The following PRPSAP2 variants were observed in gnomAD, a reference collection of about 807,000 sequenced individuals.
PRPSAP2 encodes phosphoribosyl pyrophosphate synthetase associated protein 2.
Under a neutral mutation model 40.6 loss-of-function variants are expected in PRPSAP2, and 24 were observed. That is an observed-to-expected ratio of 0.59 (90% CI 0.43 to 0.83). The LOEUF is 0.83. Ranked by LOEUF, PRPSAP2 falls within the 40% of genes least tolerant of loss-of-function variation. The pLI, the probability that PRPSAP2 is intolerant of heterozygous loss-of-function variation, is 0.00. For missense variants in PRPSAP2, 292 were observed against 465.6 expected, an observed-to-expected ratio of 0.63 and a Z score of 3.43; for synonymous variants, 149 against 164.7, an observed-to-expected ratio of 0.90 and a Z score of 0.73.
intron 8 of PRPSAP2, among the ~76,000 whole-genome samples, chr17:18,903,571 C>T (rs1468196539): frequency 6.6e-6 from 1 of 151,860 alleles, no homozygotes; most frequent in African/African-American, 2.4e-5. Flanking sequence ...CCATCTCTAC[C>T]AAAAATACAA....
intron 8 of PRPSAP2, among the ~76,000 whole-genome samples, chr17:18,910,769 T>TGGTA (rs1240152001): frequency 1.3e-5 from 2 of 152,176 alleles, no homozygotes; most frequent in Admixed American, 1.3e-4. Flanking sequence ...TGGTTCTCAC[T>TGGTA]GGTAGGTAGG....
At chr17:18,928,196 A>G (rs944187799) in intron 10 of PRPSAP2, 3 of 158,300 alleles carry the variant, frequency 1.9e-5, no homozygotes, top group African/African-American at 7.2e-5. Context: ...GTTTGATGCC[A>G]TAATGGGTTT....
intron 9 of PRPSAP2, among the ~76,000 whole-genome samples, chr17:18,916,993 C>G (rs2041356543): frequency 6.6e-6 from 1 of 152,174 alleles, no homozygotes; most frequent in Non-Finnish European, 1.5e-5. Flanking sequence ...CCACAGCACT[C>G]TCTTTGTCTA....
At chr17:18,918,047 A>G (rs1597740159) in intron 9 of PRPSAP2, among the ~76,000 whole-genome samples, 2 of 152,102 alleles carry the variant, frequency 1.3e-5, no homozygotes, top group Non-Finnish European at 2.9e-5. Context: ...TGCCTTGCCC[A>G]GGAGTTTGCT....
At chr17:18,874,797 CCTTTACCTCCAGCAT>C (rs1286242131) in intron 5 of PRPSAP2, among the ~76,000 whole-genome samples, 1 of 152,242 alleles carries the variant, frequency 6.6e-6, no homozygotes, top group Non-Finnish European at 1.5e-5. Context: ...ACATCTTAAC[CCTTTACCTCCAGCAT>C]CGGGGTAGGG....
At chr17:18,885,714 A>C (rs1472255275) in intron 7 of PRPSAP2, among the ~76,000 whole-genome samples, 1 of 151,946 alleles carries the variant, frequency 6.6e-6, no homozygotes, top group East Asian at 1.9e-4. Context: ...CAGCCTCCCG[A>C]GTAGCTGGGG....
chr17:18,867,174 T>C (rs1157845033), intron 3 of PRPSAP2, 108 bp from the exon 4 acceptor site: 2 of 1,128,818 alleles, frequency 1.8e-6, no homozygotes, highest in Non-Finnish European at 2.5e-6. Flanking sequence ...ATAAGAAGAA[T>C]AACTTTATTT....
chr17:18,923,752 CAA>C (rs1247279470), intron 9 of PRPSAP2, among the ~76,000 whole-genome samples, 160 bp from the exon 10 acceptor site: 1 of 152,212 alleles, frequency 6.6e-6, no homozygotes, highest in African/African-American at 2.4e-5. Context: ...CATAAAGTAT[CAA>C]GTTAGCTGTG....
chr17:18,895,831 G>A (rs1202404026), intron 8 of PRPSAP2, among the ~76,000 whole-genome samples: 1 of 151,876 alleles, frequency 6.6e-6, no homozygotes, highest in Non-Finnish European at 1.5e-5. Flanking sequence ...TCACCATGTT[G>A]GCTGGGCTGG....
rs914996324 is a variant in PRPSAP2, at chr17:18,911,320, G to GT, written c.733+76dup. 8.8e-5 allele frequency: 121 copies of GT among 1,381,934 alleles called. No homozygotes were observed. In the African/African-American group the frequency reaches 1.9e-3, roughly 21 times the overall value. The allele number at this position is 1,381,934 out of a possible 1,614,324, so 85.6% of individuals were successfully genotyped here. On this transcript the variant is annotated intron_variant, in intron 9 of 11. Coordinates refer to ENST00000268835, the MANE Select transcript of PRPSAP2 (RefSeq NM_002767.4). The surrounding 1 kb of genome is among the most constrained non-coding windows in gnomAD (Gnocchi z 4.5). ...GGCTGACTACACTGTTGTCTGTGTGGTTTTTTTCCTCATTCTTCGTTTTTT... is the reference window on the plus strand; with the variant it reads ...GGCTGACTACACTGTTGTCTGTGTGGTTTTTTTTCCTCATTCTTCGTTTTTT...
At chr17:18,857,679 CAA>C (rs1270337789), upstream of PRPSAP2, 1 of 151,948 alleles carries the variant, frequency 6.6e-6, no homozygotes, top group East Asian at 1.9e-4. Context: ...CTCAGCCTCG[CAA>C]AGTGCTGGAA....
intron 8 of PRPSAP2, among the ~76,000 whole-genome samples, chr17:18,902,504 G>C (rs1349656501): frequency 6.6e-6 from 1 of 152,102 alleles, no homozygotes; most frequent in Non-Finnish European, 1.5e-5. Context: ...TTCCTTGAAG[G>C]TAGTGGGGCA....
chr17:18,857,300 A>C (rs1044833264), upstream of PRPSAP2, among the ~76,000 whole-genome samples: 1 of 151,928 alleles, frequency 6.6e-6, no homozygotes, highest in East Asian at 1.9e-4. Flanking sequence ...GCGCCGATGC[A>C]CTCTAGCCTG....
At chr17:18,863,582 G>T (rs1303655601) in intron 1 of PRPSAP2, among the ~76,000 whole-genome samples, 4 of 151,712 alleles carry the variant, frequency 2.6e-5, no homozygotes, top group African/African-American at 4.8e-5. Context: ...GCCCAGGCTG[G>T]AGTGCAGTGG....
chr17:18,915,735 G>C (rs544491282), intron 9 of PRPSAP2, among the ~76,000 whole-genome samples: 6 of 152,180 alleles, frequency 3.9e-5, no homozygotes, highest in African/African-American at 1.2e-4. Context: ...CCATAGGAAG[G>C]CATTAATCCA....
chr17:18,877,972 A>T (rs2038423322), intron 6 of PRPSAP2, 102 bp downstream of exon 6: 1 of 1,293,248 alleles, frequency 7.7e-7, no homozygotes, highest in Admixed American at 2.3e-5. Context: ...CCTAGGCTGG[A>T]GTGTAGTGGC....
At position 18,872,586 on chromosome 17, in the gene PRPSAP2, C is replaced by T; in HGVS notation, c.176C>T (p.Thr59Ile). The change falls in exon 5 of 12, where the codon ACA becomes ATA. Residue 59 changes from threonine to isoleucine, a missense_variant. Transcript: ENST00000268835. ...VQVYQEPNRETRVQIQESVRG... is the reference protein window; with the variant it reads ...VQVYQEPNREIRVQIQESVRG... Reference sequence around the variant, plus strand: ...TTCTTTTTCCTTTTCCTGCCAGAAACAAGAGTACAAATTCAAGAGTCTGTG... The same window carrying T: ...TTCTTTTTCCTTTTCCTGCCAGAAATAAGAGTACAAATTCAAGAGTCTGTG... The T allele has an allele frequency of 6.3e-7, 1 of 1,583,300 alleles. No individual in the cohort carries two copies.
chr17:18,927,838 G>A lies in PRPSAP2; in HGVS notation c.805-973G>A, dbSNP rs578145750. Among the ~76,000 whole-genome samples the A allele has an allele frequency of 3.3e-5, 5 of 152,216 alleles. No homozygotes were observed. The South Asian group carries it at 1.0e-3, about 32-fold the overall frequency. ...TCTGCTGCCCAGGTTGGAGTGCAGT[G>A]GCTTGATCACAGATCACTGCAACTT... is the stretch of plus-strand genomic sequence containing the variant. On this transcript the variant is annotated intron_variant, in intron 10 of 11. Transcript: ENST00000268835.
chr17:18,917,394 CTTCT>C (rs2041382265), intron 9 of PRPSAP2: 1 of 145,836 alleles, frequency 6.9e-6, no homozygotes, highest in African/African-American at 2.5e-5. Context: ...AAACAGATGA[CTTCT>C]TTTTTTTTTT....
Sources: gnomAD v4.1 joint callset for allele counts (sites outside exome capture counted in the v4.1 genomes callset) on GRCh38, gnomAD v4.1.1 for gene constraint, Gnocchi (gnomAD v3.1) non-coding constraint, MANE v1.5 for transcripts, NCBI Gene and HGNC (gene_info 2026-07-23, HGNC 2026-07-21) for gene names.